Variants in DELE1 observed in about 807,000 individuals in gnomAD.
DELE1 encodes the protein DAP3 binding cell death enhancer 1, also known as death ligand signal enhancer.
Under a neutral mutation model 59.3 loss-of-function variants are expected in DELE1, and 54 were observed. The ratio of observed to expected loss-of-function variants is 0.91; its 90% CI spans 0.73 to 1.14. The LOEUF (loss-of-function observed/expected upper bound fraction) is 1.14, where lower values mean the gene tolerates loss of function less well. Ranked by LOEUF, DELE1 falls within the 50% of genes most tolerant of loss-of-function variation. The pLI is 0.00. For synonymous variants in DELE1, 264 were observed against 259.1 expected (o/e 1.02, Z -0.18); for missense variants, 636 against 643.9 (o/e 0.99, Z 0.13).
In DELE1 at chr5:141,938,575, C is replaced by G. The variant is rs147185377; in HGVS notation, c.1364C>G (p.Ser455Cys). 329 of 1,614,030 alleles carry G rather than the reference C, an allele frequency of 2.0e-4. No individual in the cohort carries two copies. The highest frequency in any genetic ancestry group is 2.7e-4 in the Non-Finnish European group (314 of 1,180,030). The change falls in exon 12 of 12, where the codon TCC becomes TGC. Residue 455 changes from serine to cysteine, a missense_variant. Physicochemically the swap from Ser to Cys is moderately radical, Grantham distance 112. Transcript: ENST00000432126. ...VTGLKSFSSP[S>C]LCSLNTLLAG... ...GGACTGAAGTCTTTCTCCAGCCCCT[C>G]CCTCTGCAGCTTGAACACCCTGCTA... is the stretch of plus-strand genomic sequence containing the variant.
rs1162410851 is a variant in DELE1, at chr5:141,923,969, C to T, written c.28C>T (p.Arg10Ter). The part of the protein sequence containing the change: MWRLPGLLG[R>*]ALPRTLGPSL... ...GTGGCGCCTCCCGGGACTCCTGGGCCGAGGTAAGGGACGTCCAAGCAACCA... is the reference window on the plus strand; with the variant it reads ...GTGGCGCCTCCCGGGACTCCTGGGCTGAGGTAAGGGACGTCCAAGCAACCA... The change falls in exon 1 of 12, where the codon CGA (arginine) becomes TGA (stop). Residue 10 changes from arginine (R) to a stop codon, truncating the protein, a stop_gained. Coordinates refer to ENST00000432126, the MANE Select transcript of DELE1 (RefSeq NM_014773.5). LOFTEE classifies it high-confidence loss of function. The T allele has an allele frequency of 6.2e-7, 1 of 1,609,858 alleles. No individual in the cohort carries two copies. The highest frequency in any genetic ancestry group is 8.5e-7 in the Non-Finnish European group (1 of 1,178,400).
intron 7 of DELE1, 71 bp downstream of exon 7, chr5:141,930,345 A>G: frequency 9.0e-7 from 1 of 1,111,398 alleles, no homozygotes; most frequent in Non-Finnish European, 1.3e-6. Context: ...GCTCAGATAT[A>G]GTCAAGATAG....
chr5:141,936,521 G>A (rs1217637844), intron 10 of DELE1, among the ~76,000 whole-genome samples: 1 of 152,144 alleles, frequency 6.6e-6, no homozygotes, highest in African/African-American at 2.4e-5. Context: ...TGCAACCTCC[G>A]CCTCCCGGGT....
At chr5:141,924,966 C>T (rs1209783950) in intron 2 of DELE1, among the ~76,000 whole-genome samples, 4 of 151,838 alleles carry the variant, frequency 2.6e-5, no homozygotes, top group Admixed American at 6.6e-5. Flanking sequence ...CTCGCTCTGT[C>T]GCCCAGGCTG....
chr5:141,934,859 A>C, intron 10 of DELE1: 1 of 486,556 alleles, frequency 2.1e-6, no homozygotes. Flanking sequence ...AAATGCCATA[A>C]AACAGGGCTT....
At chr5:141,936,839 TC>T in intron 10 of DELE1, 1 of 983,770 alleles carries the variant, frequency 1.0e-6, no homozygotes, top group Non-Finnish European at 1.2e-6. Context: ...CACCTTCGCC[TC>T]CTTGCTGTTT....
rs1437848011 is a variant in DELE1 at position 141,937,242 on chromosome 5, C to T, written c.1194C>T (p.Gly398=). 7 of 1,614,060 alleles carry T rather than the reference C, an allele frequency of 4.3e-6. No homozygotes were observed. Among genetic ancestry groups the T allele is most frequent in the Non-Finnish European group, 5.1e-6 (6 of 1,180,034 alleles). The change falls in exon 11 of 12, where the codon GGC becomes GGT. Residue 398 remains glycine, a synonymous_variant. Transcript: ENST00000432126. ...ACCTTGGAATTTGCTATGAGAAAGG[C>T]CTTGGTGTGCAGAGGAATCTGGGAG... ...RYHLGICYEK[G]LGVQRNLGEA...
intron 1 of DELE1, 40 bp from the exon 2 acceptor site, chr5:141,924,541 G>T: frequency 8.4e-7 from 1 of 1,187,434 alleles, no homozygotes; most frequent in African/African-American, 1.5e-5. Context: ...TGATTCCTGG[G>T]TTCTTGTTGA....
rs766368782 is a variant in DELE1, at chr5:141,934,248, T to C, written c.906T>C (p.Leu302=). The change falls in exon 9 of 12, where the codon CTT becomes CTC. Residue 302 remains leucine, a synonymous_variant. Coordinates refer to ENST00000432126, the MANE Select transcript of DELE1 (RefSeq NM_014773.5). ...TTCTCCCTTTGCCCCAGGCGGTCCT[T>C]TATTATCAGTTGGCTGCCAGCCAGG... ...GTPRDISKAV[L]YYQLAASQGH... The C allele has an allele frequency of 3.1e-6, 5 of 1,608,606 alleles. No individual in the cohort carries two copies. In the Admixed American group the frequency reaches 8.3e-5, roughly 27 times the overall value.
intron 4 of DELE1, among the ~76,000 whole-genome samples, chr5:141,928,507 C>T (rs574309499): frequency 4.8e-4 from 73 of 152,350 alleles, no homozygotes; most frequent in African/African-American, 1.7e-3. Flanking sequence ...CTCCCATCAC[C>T]TCCAACCAAG....
intron 4 of DELE1, 101 bp downstream of exon 4, chr5:141,928,399 C>A: frequency 7.4e-7 from 1 of 1,358,370 alleles, no homozygotes; most frequent in Non-Finnish European, 1.0e-6. Context: ...TCAGCAGCTC[C>A]TTGCCTTTCC....
At chr5:141,925,970 C>A (rs998918134) in intron 3 of DELE1, among the ~76,000 whole-genome samples, 4 of 152,062 alleles carry the variant, frequency 2.6e-5, no homozygotes, top group Admixed American at 2.0e-4. Flanking sequence ...ACCTCCGTCT[C>A]CCGGGTTCAA....
At chr5:141,934,878 C>T in intron 10 of DELE1, 1 of 421,252 alleles carries the variant, frequency 2.4e-6, no homozygotes, top group South Asian at 3.0e-5. Flanking sequence ...TTTTTCCCTC[C>T]TCGAGAGCCA....
Position 141,939,825 on chromosome 5 carries a change from G to C in DELE1, c.*1066G>C, listed in dbSNP as rs1752631177. On this transcript the variant is annotated 3_prime_UTR_variant, in exon 12 of 12. Transcript: ENST00000432126. ...TGGTGTCTGCCCTCCTACCTTAGAA[G>C]ACAAATGCAAGGGCATTTCACCACA... is the stretch of plus-strand genomic sequence containing the variant. The C allele has an allele frequency of 1.6e-6, 1 of 616,208 alleles. No homozygotes were observed. The allele number at this position is 616,208 out of a possible 1,614,324, so 38.2% of individuals were successfully genotyped here.
intron 7 of DELE1, chr5:141,931,214 C>T (rs911717390): frequency 1.3e-5 from 2 of 152,054 alleles, no homozygotes; most frequent in African/African-American, 2.4e-5. Flanking sequence ...TTCCAAGTGG[C>T]GGGAACAGTA....
At chr5:141,932,080 A>G (rs1751957131) in intron 7 of DELE1, among the ~76,000 whole-genome samples, 1 of 152,206 alleles carries the variant, frequency 6.6e-6, no homozygotes, top group South Asian at 2.1e-4. Context: ...TAGTTTGTAG[A>G]AAAAGGCTTG....
At chr5:141,935,556 G>T (rs115461667) in intron 10 of DELE1, among the ~76,000 whole-genome samples, 1 of 152,288 alleles carries the variant, frequency 6.6e-6, no homozygotes, top group African/African-American at 2.4e-5. Flanking sequence ...GAACTCCTGG[G>T]CATCAGAATG....
chr5:141,931,613 G>A lies in DELE1; in HGVS notation c.754+1339G>A, dbSNP rs537423814. On this transcript the variant is annotated intron_variant, in intron 7 of 11. Transcript: ENST00000432126. Reference sequence around the variant, plus strand: ...CATGGTCTAGATGAGAGAAAGAAGAGAGCAAGAAGAGTAGATGGATCTGGT... The same window carrying A: ...CATGGTCTAGATGAGAGAAAGAAGAAAGCAAGAAGAGTAGATGGATCTGGT... 4.0e-4 allele frequency among the ~76,000 whole-genome samples: 61 copies of A among 152,284 alleles called. No individual in the cohort carries two copies. The South Asian group carries it at 0.012, about 31-fold the overall frequency.
At chr5:141,936,177 A>G (rs754758656) in intron 10 of DELE1, among the ~76,000 whole-genome samples, 2 of 152,186 alleles carry the variant, frequency 1.3e-5, no homozygotes, top group Non-Finnish European at 2.9e-5. Context: ...TAATCCTTGC[A>G]ACAACCTAAT....
Sources: gnomAD v4.1 joint callset for allele counts (sites outside exome capture counted in the v4.1 genomes callset) on GRCh38, gnomAD v4.1.1 for gene constraint, MANE v1.5 for transcripts, NCBI Gene and HGNC (gene_info 2026-07-23, HGNC 2026-07-21) for gene names.